Variants in TMCC3 observed in about 807,000 individuals in gnomAD.
TMCC3 encodes the protein transmembrane and coiled-coil domain family 3.
A neutral mutation model predicts 40.2 loss-of-function variants in TMCC3; 28 were observed. The ratio of observed to expected loss-of-function variants is 0.70; its 90% confidence interval spans 0.52 to 0.95. The LOEUF (loss-of-function observed/expected upper bound fraction) is 0.95, where lower values mean the gene tolerates loss of function less well. Ranked by LOEUF, TMCC3 falls within the 40% of genes least tolerant of loss-of-function variation. TMCC3 has a pLI of 0.00. For synonymous variants in TMCC3, 255 were observed against 248.5 expected, an observed-to-expected ratio of 1.03 and a Z score of -0.25; for missense variants, 554 against 615.2, an observed-to-expected ratio of 0.90 and a Z score of 1.05.
Position 94,568,258 on chromosome 12 carries a change from AT to A in TMCC3, c.*3176del, listed in dbSNP as rs61241639. ...TTTTGCTGTTTCATTATGGATTTCC[AT>A]TTTTTTTTTTTTTTTTTGGCAGTTG... On this transcript the variant is annotated 3_prime_UTR_variant, in exon 4 of 4. Coordinates refer to ENST00000261226, the MANE Select transcript of TMCC3 (RefSeq NM_020698.4). 10,845 of 130,916 alleles carry A rather than the reference AT, an allele frequency of 0.083. 323 individuals carry two copies. Among genetic ancestry groups the A allele is most frequent in the South Asian group, 0.16 (668 of 4,098 alleles). 8.1% of individuals were successfully genotyped at this position (130,916 alleles called of 1,614,324 possible). A position where few individuals can be genotyped will look rare whatever the true frequency, so the allele number is the denominator to read the frequency against.
Position 94,568,683 on chromosome 12 carries a change from G to C in TMCC3, c.*2752C>G, listed in dbSNP as rs545262613. ...ATTCCTTAAGAGAGAATAAACTGCAGAGATTAAAAGTTTCCTTCGAGTGTA... is the reference window on the plus strand; with the variant it reads ...ATTCCTTAAGAGAGAATAAACTGCACAGATTAAAAGTTTCCTTCGAGTGTA... On this transcript the variant is annotated 3_prime_UTR_variant, in exon 4 of 4. Coordinates refer to ENST00000261226, the MANE Select transcript of TMCC3 (RefSeq NM_020698.4). 1.3e-5 allele frequency: 2 copies of C among 152,290 alleles called. No individual in the cohort carries two copies. Among genetic ancestry groups the C allele is most frequent in the South Asian group, 2.1e-4 (1 of 4,822 alleles). The allele number at this position is 152,290 out of a possible 1,614,324, so 9.4% of individuals were successfully genotyped here.
intron 2 of TMCC3, among the ~76,000 whole-genome samples, chr12:94,579,485 C>T (rs966554571): frequency 6.6e-6 from 1 of 152,090 alleles, no homozygotes; most frequent in African/African-American, 2.4e-5. Context: ...CTAGCCTAGG[C>T]GACAGAGCAA....
chr12:94,642,919 G>A (rs74921041), intron 1 of TMCC3, among the ~76,000 whole-genome samples: 7,959 of 152,246 alleles, frequency 0.052, 295 homozygotes, highest in East Asian at 0.12. Flanking sequence ...CGGGCCGGGC[G>A]CAGTGCCTCA....
At chr12:94,586,680 A>C (rs1442384418) in intron 1 of TMCC3, among the ~76,000 whole-genome samples, 1 of 152,254 alleles carries the variant, frequency 6.6e-6, no homozygotes, top group Admixed American at 6.5e-5. Flanking sequence ...CAACTGCATC[A>C]GGGCTGGTCA....
intron 1 of TMCC3, among the ~76,000 whole-genome samples, chr12:94,604,941 G>A (rs182946880): frequency 1.4e-3 from 214 of 152,204 alleles, no homozygotes; most frequent in African/African-American, 4.9e-3. Context: ...TGAGAGCCTA[G>A]CAAGGAGCAC....
chr12:94,594,528 A>G (rs369490659), intron 1 of TMCC3, among the ~76,000 whole-genome samples: 6 of 152,178 alleles, frequency 3.9e-5, no homozygotes, highest in Admixed American at 2.6e-4. Context: ...CAGTTCTGGA[A>G]AATTTCCCAT....
chr12:94,649,451 C>T lies in TMCC3; in HGVS notation c.78+902G>A, dbSNP rs367915452. ...CTCGGACAAGCGAGTAAGTAGTTGG[C>T]GGAGCAAAGAACAACTCCAGGTGCC... On this transcript the variant is annotated intron_variant, in intron 1 of 3. Coordinates refer to ENST00000261226, the MANE Select transcript of TMCC3 (RefSeq NM_020698.4). Among the ~76,000 whole-genome samples, 6 of 152,306 alleles carry T rather than the reference C, an allele frequency of 3.9e-5. No homozygotes were observed. The South Asian group carries it at 1.2e-3, about 32-fold the overall frequency.
intron 1 of TMCC3, among the ~76,000 whole-genome samples, chr12:94,595,956 G>A (rs566298281): frequency 3.3e-5 from 5 of 152,236 alleles, no homozygotes; most frequent in Non-Finnish European, 7.4e-5. Context: ...AGTTGTGCTC[G>A]GCCTTCAAAT....
chr12:94,601,801 C>A, intron 1 of TMCC3, among the ~76,000 whole-genome samples: 2 of 98,244 alleles, frequency 2.0e-5, no homozygotes, highest in Non-Finnish European at 3.6e-5. Flanking sequence ...AGAGTGAGAC[C>A]TGGTCTCAAA....
intron 1 of TMCC3, among the ~76,000 whole-genome samples, chr12:94,612,006 G>A (rs909580393): frequency 2.0e-5 from 3 of 152,098 alleles, no homozygotes; most frequent in Non-Finnish European, 4.4e-5. Flanking sequence ...TGGTGTTTTT[G>A]TTTGTTTTTT....
At position 94,568,566 on chromosome 12, in the gene TMCC3, GT is replaced by G. The variant is rs2138809152; in HGVS notation, c.*2868del. ...AATTAAATATCCAATTCCAGCATATGTTACAGCTACATCACTATTTTTAATT... is the reference window on the plus strand; with the variant it reads ...AATTAAATATCCAATTCCAGCATATGTACAGCTACATCACTATTTTTAATT... On this transcript the variant is annotated 3_prime_UTR_variant, in exon 4 of 4. Transcript: ENST00000261226. 1 of 152,302 alleles carries G rather than the reference GT, an allele frequency of 6.6e-6. No homozygotes were observed. Among genetic ancestry groups the G allele is most frequent in the East Asian group, 1.9e-4 (1 of 5,192 alleles). The allele number at this position is 152,302 out of a possible 1,614,324, so 9.4% of individuals were successfully genotyped here.
At chr12:94,583,215 C>T (rs377325019) in intron 1 of TMCC3, among the ~76,000 whole-genome samples, 68 of 150,172 alleles carry the variant, frequency 4.5e-4, no homozygotes, top group African/African-American at 1.6e-3. Flanking sequence ...GGGGTGGGGG[C>T]GTGGCGCTGC....
At chr12:94,597,503 C>T (rs1469607552) in intron 1 of TMCC3, among the ~76,000 whole-genome samples, 1 of 151,878 alleles carries the variant, frequency 6.6e-6, no homozygotes, top group African/African-American at 2.4e-5. Flanking sequence ...CTTAAGGAAG[C>T]AGTCTTAAAT....
chr12:94,646,176 G>C (rs1261110487), intron 1 of TMCC3, among the ~76,000 whole-genome samples: 1 of 152,118 alleles, frequency 6.6e-6, no homozygotes, highest in Non-Finnish European at 1.5e-5. Context: ...GACTAAGGTG[G>C]GGGATGATTG....
intron 1 of TMCC3, among the ~76,000 whole-genome samples, chr12:94,633,698 A>G (rs2068945239): frequency 6.6e-6 from 1 of 152,240 alleles, no homozygotes; most frequent in Admixed American, 6.5e-5. Flanking sequence ...GAAAATTAAA[A>G]TCCACTGAGA....
chr12:94,603,784 A>G (rs2068766760), intron 1 of TMCC3, among the ~76,000 whole-genome samples: 1 of 152,244 alleles, frequency 6.6e-6, no homozygotes, highest in African/African-American at 2.4e-5. Context: ...ACCTCAAAAA[A>G]GTAATAAGAT....
intron 1 of TMCC3, among the ~76,000 whole-genome samples, chr12:94,606,033 A>C (rs1344475391): frequency 6.6e-6 from 1 of 152,142 alleles, no homozygotes; most frequent in Admixed American, 6.5e-5. Context: ...AAACAAAAAA[A>C]CAAGTATGTG....
At chr12:94,620,950 C>T (rs2068872899) in intron 1 of TMCC3, among the ~76,000 whole-genome samples, 1 of 152,098 alleles carries the variant, frequency 6.6e-6, no homozygotes, top group Admixed American at 6.5e-5. Flanking sequence ...AGGGTAGGGT[C>T]AGTTTGTAAG....
intron 1 of TMCC3, among the ~76,000 whole-genome samples, chr12:94,640,736 C>T (rs759754229): frequency 1.3e-5 from 2 of 152,194 alleles, no homozygotes; most frequent in Non-Finnish European, 1.5e-5. Flanking sequence ...GGTTTCCCAA[C>T]ACCGCTTCTA....
Sources: gnomAD v4.1 joint callset for allele counts (sites outside exome capture counted in the v4.1 genomes callset) on GRCh38, gnomAD v4.1.1 for gene constraint, MANE v1.5 for transcripts, NCBI Gene and HGNC (gene_info 2026-07-23, HGNC 2026-07-21) for gene names.